Variants in NOTCH3 observed in about 807,000 individuals in gnomAD.
NOTCH3 encodes the protein neurogenic locus notch homolog protein 3.
NOTCH3 carries 86 observed loss-of-function variants against 213.3 expected under a neutral mutation model. The observed-to-expected ratio is 0.40, with a 90% CI of 0.34 to 0.48. The LOEUF (loss-of-function observed/expected upper bound fraction) is 0.48. NOTCH3 is among the 20% of genes least tolerant of loss of function. NOTCH3 has a pLI of 0.57. For missense variants in NOTCH3, 2,783 were observed against 3,272.6 expected, an observed-to-expected ratio of 0.85 and a Z score of 3.65; for synonymous variants, 1,354 against 1,355.9, an observed-to-expected ratio of 1.00 and a Z score of 0.03.
chr19:15,187,186 G>C lies in NOTCH3; in HGVS notation c.1759C>G (p.Arg587Gly), dbSNP rs754554486. 3 of 1,614,048 alleles carry C rather than the reference G, an allele frequency of 1.9e-6. No individual in the cohort carries two copies. The highest frequency in any genetic ancestry group is 2.2e-5 in the South Asian group (2 of 91,084). Residue 587 changes from arginine (R) to glycine (G), a missense_variant, in exon 11 of 33, where the codon CGC (arginine) becomes GGC (glycine). This residue lies in a region of NOTCH3 where 708 missense variants were observed against 906.6 expected (regional missense o/e 0.78). Coordinates refer to ENST00000263388, the MANE Select transcript of NOTCH3 (RefSeq NM_000435.3). ...CCGCCATGGCGGCAGGGCTGGCTGC[G>C]GCATTCGTCCACCTGGCTCTCGCAG... ...TRCESQVDEC[R>G]SQPCRHGGKC...
chr19:15,188,404 G>T (rs1383111241), intron 8 of NOTCH3, 56 bp from the exon 9 acceptor site: 12 of 1,137,448 alleles, frequency 1.1e-5, no homozygotes, highest in East Asian at 7.5e-5. Flanking sequence ...TGTGAACGGG[G>T]TGCAAGGAAG....
In NOTCH3 at chr19:15,186,947, G is replaced by C. The variant is rs1216114922; in HGVS notation, c.1882C>G (p.Pro628Ala). ...TCACGGCAGACTCCAAAGGTGCAGG[G>C]GTTGCTGGCACAGTCGTCAATGTTC... ...EVNIDDCASN[P>A]CTFGVCRDGI... The change falls in exon 12 of 33, where the codon CCC becomes GCC. Residue 628 changes from proline (P) to alanine (A), a missense_variant. Physicochemically the swap from Pro to Ala is conservative, Grantham distance 27. Transcript: ENST00000263388. The C allele has an allele frequency of 6.8e-6, 11 of 1,614,204 alleles. No individual in the cohort carries two copies. Among genetic ancestry groups the C allele is most frequent in the Non-Finnish European group, 9.3e-6 (11 of 1,180,038 alleles).
Position 15,185,063 on chromosome 19 carries a change from A to ATCCCAT in NOTCH3, c.2297-45_2297-44insATGGGA. The ATCCCAT allele has an allele frequency of 2.3e-6, 3 of 1,286,392 alleles. No homozygotes were observed. Among genetic ancestry groups the ATCCCAT allele is most frequent in the Non-Finnish European group, 3.2e-6 (3 of 927,406 alleles). 79.7% of individuals were successfully genotyped at this position (1,286,392 alleles called of 1,614,324 possible). ...AGGGAAGCAGAGATAGCCTTGAGGG[A>ATCCCAT]CTCCCTGATCCCATCTCCCCCCACC... On this transcript the variant is annotated intron_variant, in intron 14 of 32. Transcript: ENST00000263388. The surrounding 1 kb of genome is among the most constrained non-coding windows in gnomAD (Gnocchi z 4.2).
chr19:15,160,920 C>T lies in NOTCH3; in HGVS notation c.6708G>A (p.Leu2236=). 1.9e-6 allele frequency: 3 copies of T among 1,606,876 alleles called. No homozygotes were observed. Among genetic ancestry groups the T allele is most frequent in the South Asian group, 2.2e-5 (2 of 90,608 alleles). Residue 2236 remains leucine (L), a synonymous_variant, in exon 33 of 33, where the codon CTG becomes CTA. Coordinates refer to ENST00000263388, the MANE Select transcript of NOTCH3 (RefSeq NM_000435.3). ...AHSSPPKARF[L]RVPSEHPYLT... ...GGTAAGGGTGCTCACTGGGAACCCG[C>T]AGGAAGCGGGCCTTTGGGGGGCTGC... is the stretch of plus-strand genomic sequence containing the variant.
In NOTCH3 at chr19:15,161,324, C is replaced by A. The variant is rs1335932431; in HGVS notation, c.6304G>T (p.Val2102Leu). 3 of 1,521,896 alleles carry A rather than the reference C, an allele frequency of 2.0e-6. No individual in the cohort carries two copies. The highest frequency in any genetic ancestry group is 2.1e-5 in the Admixed American group (1 of 47,414). 94.3% of individuals were successfully genotyped at this position (1,521,896 alleles called of 1,614,324 possible). The change falls in exon 33 of 33, where the codon GTG becomes TTG. Residue 2102 changes from valine to leucine, a missense_variant. By Grantham distance (32) the Val-to-Leu change is conservative (BLOSUM62 1). Transcript: ENST00000263388. ...GGCCGCGGGGAGTCCAGCGAGTCCA[C>A]GGGCGACAGCGTGACCGAGCTGTCA... The part of the protein sequence containing the change: ...LADSSVTLSP[V>L]DSLDSPRPFG...
rs771282959 is a variant in NOTCH3 at position 15,189,392 on chromosome 19, T to C, written c.1073A>G (p.Asn358Ser). 3 of 1,613,800 alleles carry C rather than the reference T, an allele frequency of 1.9e-6. No homozygotes were observed. The highest frequency in any genetic ancestry group is 2.5e-6 in the Non-Finnish European group (3 of 1,180,036). The change falls in exon 7 of 33, where the codon AAC (asparagine) becomes AGC (serine). Residue 358 changes from asparagine (N) to serine (S), a missense_variant. By Grantham distance (46) the Asn-to-Ser change is conservative (BLOSUM62 1). Coordinates refer to ENST00000263388, the MANE Select transcript of NOTCH3 (RefSeq NM_000435.3). ...LCHLDDACVS[N>S]PCHEDAICDT... ...ACAGATAGCATCCTCGTGGCAGGGG[T>C]TGCTGACACAGGCGTCATCCAGGTG...
At position 15,180,835 on chromosome 19, in the gene NOTCH3, G is replaced by A. The variant is rs767871714; in HGVS notation, c.2995-7C>T. 7.4e-6 allele frequency: 12 copies of A among 1,612,550 alleles called. No homozygotes were observed. Among genetic ancestry groups the A allele is most frequent in the Non-Finnish European group, 1.0e-5 (12 of 1,179,586 alleles). ...TGCACCAATCCACCAGCGTCTGGAG[G>A]GGAAGCACTCAGAGTCAGTACTGTG... On this transcript the variant is annotated splice_polypyrimidine_tract_variant and splice_region_variant and intron_variant, in intron 18 of 32. Coordinates refer to ENST00000263388, the MANE Select transcript of NOTCH3 (RefSeq NM_000435.3).
At chr19:15,164,567 A>G (rs1001417166) in intron 31 of NOTCH3, among the ~76,000 whole-genome samples, 10 of 151,596 alleles carry the variant, frequency 6.6e-5, no homozygotes, top group Non-Finnish European at 1.3e-4. Flanking sequence ...AAAAAGGGCA[A>G]CATAAGGAGA....
rs1240348877 is a variant in NOTCH3 at position 15,185,336 on chromosome 19, C to G, written c.2217G>C (p.Glu739Asp). 1 of 1,612,744 alleles carries G rather than the reference C, an allele frequency of 6.2e-7. No homozygotes were observed. The stretch of plus-strand genomic sequence containing the variant: ...TCCCACCGGCCCTGCACGGCTGGGA[C>G]TCACAGGCGTCTCGGGCCAGGCTCT... ...CSQSLARDAC[E>D]SQPCRAGGTC... The change falls in exon 14 of 33, where the codon GAG (glutamate) becomes GAC (aspartate). Residue 739 changes from glutamate (E) to aspartate (D), a missense_variant. Transcript: ENST00000263388. The surrounding 1 kb of genome is among the most constrained non-coding windows in gnomAD (Gnocchi z 4.2).
chr19:15,188,027 G>A (rs1269376848), intron 9 of NOTCH3, 33 bp from the exon 10 acceptor site: 1 of 1,500,008 alleles, frequency 6.7e-7, no homozygotes, highest in Admixed American at 2.0e-5. Context: ...CAGAGGCCCA[G>A]AAAGGGTGAG....
At chr19:15,187,857 C>T (rs1411886886) in intron 10 of NOTCH3, 24 bp downstream of exon 10, 2 of 1,530,618 alleles carry the variant, frequency 1.3e-6, no homozygotes, top group East Asian at 2.4e-5. Context: ...TGATTCTTGT[C>T]GGACTGTCAT....
In NOTCH3 at chr19:15,184,986, G is replaced by T. The variant is rs1166093165; in HGVS notation, c.2330C>A (p.Pro777Gln). ...GCGGCCCCCATGCTCACAGGGGTTC[G>T]GGGTGCAGGGGGAGAGGAGTTCACA... ...RQCELLSPCT[P>Q]NPCEHGGRCE... The change falls in exon 15 of 33, where the codon CCG becomes CAG. Residue 777 changes from proline (P) to glutamine (Q), a missense_variant. Physicochemically the swap from Pro to Gln is moderately conservative, Grantham distance 76. Transcript: ENST00000263388. 1 of 1,537,298 alleles carries T rather than the reference G, an allele frequency of 6.5e-7. No homozygotes were observed. Among genetic ancestry groups the T allele is most frequent in the Non-Finnish European group, 8.8e-7 (1 of 1,137,642 alleles).
In NOTCH3 at chr19:15,178,935, C is replaced by T. The variant is rs146149484; in HGVS notation, c.3725G>A (p.Arg1242His). ...CLCHAGFSGPRCQTVLSPCES... is the reference protein window; with the variant it reads ...CLCHAGFSGPHCQTVLSPCES... ...GCAGGGAGACAGGACAGTCTGACAG[C>T]GAGGACCTGAGCGAGCGGGAGCATG... The change falls in exon 23 of 33, where the codon CGC becomes CAC. Residue 1242 changes from arginine (R) to histidine (H), a missense_variant. Physicochemically the swap from Arg to His is conservative, Grantham distance 29. Transcript: ENST00000263388. 5.3e-5 allele frequency: 85 copies of T among 1,613,774 alleles called. No homozygotes were observed. Among genetic ancestry groups the T allele is most frequent in the Non-Finnish European group, 6.4e-5 (75 of 1,179,942 alleles).
In NOTCH3 at chr19:15,191,784, C is replaced by T. The variant is rs1160655218; in HGVS notation, c.763G>A (p.Val255Ile). The T allele has an allele frequency of 7.4e-6, 12 of 1,613,954 alleles. No individual in the cohort carries two copies. The highest frequency in any genetic ancestry group is 2.2e-5 in the South Asian group (2 of 91,088). ...CLNGGTCVDG[V>I]NTYNCQCPPE... ...GGGCACTGGCAGTTATAGGTGTTGACGCCATCCACGCATGTCCCCCCATTG... is the reference window on the plus strand; with the variant it reads ...GGGCACTGGCAGTTATAGGTGTTGATGCCATCCACGCATGTCCCCCCATTG... Residue 255 changes from valine (V) to isoleucine (I), a missense_variant, in exon 5 of 33, where the codon GTC becomes ATC. Physicochemically the swap from Val to Ile is conservative, Grantham distance 29. Coordinates refer to ENST00000263388, the MANE Select transcript of NOTCH3 (RefSeq NM_000435.3).
Position 15,185,019 on chromosome 19 carries a change from C to A in NOTCH3, c.2297G>T (p.Gly766Val). ...FHCTCPPGVQGRQCELLSPCT... is the reference protein window; with the variant it reads ...FHCTCPPGVQVRQCELLSPCT... ...GGGGGAGAGGAGTTCACACTGACGT[C>A]CTGTTGGGGGTGGAAGAGAGGGAAG... is the stretch of plus-strand genomic sequence containing the variant. Residue 766 changes from glycine to valine, a missense_variant and splice_region_variant, in exon 15 of 33, where the codon GGA (glycine) becomes GTA (valine). Gly to Val is a moderately radical substitution (Grantham distance 109, BLOSUM62 -3). Transcript: ENST00000263388. The surrounding 1 kb of genome is among the most constrained non-coding windows in gnomAD (Gnocchi z 4.2). The A allele has an allele frequency of 6.8e-7, 1 of 1,474,938 alleles. No individual in the cohort carries two copies. Among genetic ancestry groups the A allele is most frequent in the Non-Finnish European group, 9.2e-7 (1 of 1,088,040 alleles). 91.4% of individuals were successfully genotyped at this position (1,474,938 alleles called of 1,614,324 possible).
intron 28 of NOTCH3, among the ~76,000 whole-genome samples, chr19:15,168,319 G>A (rs150521390): frequency 1.3e-5 from 2 of 152,270 alleles, no homozygotes; most frequent in Admixed American, 6.5e-5. Flanking sequence ...AGTCTGGGTT[G>A]AGCAGGTTTT....
In NOTCH3 at chr19:15,160,856, G is replaced by A; in HGVS notation, c.6772C>T (p.Pro2258Ser). 1 of 1,607,038 alleles carries A rather than the reference G, an allele frequency of 6.2e-7. No individual in the cohort carries two copies. Among genetic ancestry groups the A allele is most frequent in the African/African-American group, 1.3e-5 (1 of 74,888 alleles). ...CAGTCTGAGAGGGAGGGAGGTGAGGGGCTGGCCCAGTGCTCAGGGGATTCG... is the reference window on the plus strand; with the variant it reads ...CAGTCTGAGAGGGAGGGAGGTGAGGAGCTGGCCCAGTGCTCAGGGGATTCG... ...SPESPEHWAS[P>S]SPPSLSDWSE... Residue 2258 changes from proline to serine, a missense_variant, in exon 33 of 33, where the codon CCC becomes TCC. By Grantham distance (74) the Pro-to-Ser change is moderately conservative. Around this residue, in one of 6 missense-constraint regions of NOTCH3, gnomAD observed 441 missense variants for 432.1 expected, o/e 1.02. Coordinates refer to ENST00000263388, the MANE Select transcript of NOTCH3 (RefSeq NM_000435.3).
chr19:15,162,761 GTGTGTGTGTGTT>G (rs1189105579), intron 31 of NOTCH3, among the ~76,000 whole-genome samples, 199 bp from the exon 32 acceptor site: 29 of 28,264 alleles, frequency 1.0e-3, no homozygotes, highest in African/African-American at 7.5e-3. Context: ...CTTTGTGTCT[GTGTGTGTGTGTT>G]TGTGTGTGTG....
intron 2 of NOTCH3, among the ~76,000 whole-genome samples, chr19:15,193,130 C>T (rs943977128): frequency 4.6e-5 from 7 of 152,086 alleles, no homozygotes; most frequent in Non-Finnish European, 7.4e-5. Context: ...GCCATCAGAA[C>T]CATGAAGGAT....
Sources: gnomAD v4.1 joint callset for allele counts (sites outside exome capture counted in the v4.1 genomes callset) on GRCh38, gnomAD v4.1.1 for gene constraint, gnomAD v4.1.1 regional missense constraint, Gnocchi (gnomAD v3.1) non-coding constraint, MANE v1.5 for transcripts, NCBI Gene and HGNC (gene_info 2026-07-23, HGNC 2026-07-21) for gene names.